Variants in LARGE1 observed in about 807,000 individuals in gnomAD.
LARGE1 encodes xylosyl- and glucuronyltransferase LARGE1.
Under a neutral mutation model 87.6 loss-of-function variants are expected in LARGE1, and 43 were observed. The observed-to-expected ratio is 0.49, with a 90% CI of 0.38 to 0.63. The LOEUF (loss-of-function observed/expected upper bound fraction) is 0.63, where lower values mean the gene tolerates loss of function less well. LARGE1 is among the 30% of genes least tolerant of loss of function. The pLI, the probability that LARGE1 is intolerant of heterozygous loss-of-function variation, is 0.00. For missense variants in LARGE1, 802 were observed against 1,000.2 expected, an observed-to-expected ratio of 0.80 and a Z score of 2.67; for synonymous variants, 434 against 394.6, an observed-to-expected ratio of 1.10 and a Z score of -1.18.
At chr22:33,182,603 C>T (rs1481777997) in intron 11 of LARGE1, among the ~76,000 whole-genome samples, 1 of 152,186 alleles carries the variant, frequency 6.6e-6, no homozygotes, top group Non-Finnish European at 1.5e-5. Context: ...GTAATCAAAA[C>T]AGTGTGGTAC....
the LARGE1 span, among the ~76,000 whole-genome samples, chr22:33,135,655 C>T: frequency 1.3e-5 from 2 of 152,100 alleles, no homozygotes; most frequent in Non-Finnish European, 2.9e-5. Context: ...GCCTGGCCAA[C>T]ATGGCAAAAC....
intron 10 of LARGE1, among the ~76,000 whole-genome samples, chr22:33,330,700 T>C (rs1368873288): frequency 1.3e-5 from 2 of 152,218 alleles, no homozygotes; most frequent in East Asian, 1.9e-4. Flanking sequence ...TTAGCTACTG[T>C]CATTCCATAG....
intron 5 of LARGE1, among the ~76,000 whole-genome samples, chr22:33,583,374 G>A (rs1282823103): frequency 6.6e-6 from 1 of 152,152 alleles, no homozygotes; most frequent in Non-Finnish European, 1.5e-5. Flanking sequence ...ATTAAGTCTG[G>A]AGAAAATAAA....
intron 1 of LARGE1, among the ~76,000 whole-genome samples, chr22:33,796,787 T>TC (rs1347791758): frequency 1.3e-5 from 2 of 149,774 alleles, no homozygotes; most frequent in African/African-American, 4.9e-5. Context: ...TTTTTTTTTT[T>TC]TTCCCCTGAG....
chr22:33,114,887 T>C, the LARGE1 span, among the ~76,000 whole-genome samples: 1,048 of 152,362 alleles, frequency 6.9e-3, 13 homozygotes, highest in African/African-American at 0.023. Flanking sequence ...AGATGTTCTA[T>C]GCAATGGCCA....
At chr22:33,235,644 C>T (rs185988897) in intron 11 of LARGE1, among the ~76,000 whole-genome samples, 4 of 152,174 alleles carry the variant, frequency 2.6e-5, no homozygotes, top group Admixed American at 6.5e-5. Context: ...CCTTCCCCTA[C>T]GTGTAGCCTC....
chr22:33,335,677 T>A (rs1280374694), intron 10 of LARGE1, among the ~76,000 whole-genome samples: 1 of 152,212 alleles, frequency 6.6e-6, no homozygotes, highest in African/African-American at 2.4e-5. Context: ...CACTAGCTCC[T>A]AGGCACACTG....
intron 1 of LARGE1, among the ~76,000 whole-genome samples, chr22:33,888,338 T>G (rs5754748): frequency 6.6e-6 from 1 of 151,934 alleles, no homozygotes; most frequent in Non-Finnish European, 1.5e-5. Flanking sequence ...AGAAACAAAC[T>G]CCTTCCTCCC....
At chr22:33,275,765 AAAAC>A (rs1367568658) in intron 14 of LARGE1, among the ~76,000 whole-genome samples, 4 of 152,136 alleles carry the variant, frequency 2.6e-5, no homozygotes, top group South Asian at 2.1e-4. Flanking sequence ...AAAACTGTCC[AAAAC>A]AAACAAAGCC....
At chr22:33,382,191 C>T in intron 8 of LARGE1, 147 bp from the exon 9 acceptor site, 2 of 982,050 alleles carry the variant, frequency 2.0e-6, no homozygotes, top group Non-Finnish European at 3.0e-6. Context: ...TGAGGCATCT[C>T]TCTTGCCTGT....
intron 11 of LARGE1, among the ~76,000 whole-genome samples, chr22:33,200,379 T>C (rs1260814345): frequency 1.3e-5 from 2 of 152,186 alleles, no homozygotes; most frequent in East Asian, 1.9e-4. Context: ...AAAACCCTCG[T>C]ACGTCGCTGG....
At position 33,522,049 on chromosome 22, in the gene LARGE1, G is replaced by A. The variant is rs551809725; in HGVS notation, c.787+42799C>T. 6.6e-5 allele frequency among the ~76,000 whole-genome samples: 10 copies of A among 152,260 alleles called. No individual in the cohort carries two copies. The South Asian group carries it at 2.1e-3, about 32-fold the overall frequency. On this transcript the variant is annotated intron_variant, in intron 6 of 14. Transcript: ENST00000397394. Reference sequence around the variant, plus strand: ...CTCTCATGTGAACTCGGAGCAAGAAGTCACTCATTACCACGGGGATGGCAC... The same window carrying A: ...CTCTCATGTGAACTCGGAGCAAGAAATCACTCATTACCACGGGGATGGCAC...
chr22:33,473,169 T>TC (rs1491459912), intron 6 of LARGE1, among the ~76,000 whole-genome samples: 6 of 144,218 alleles, frequency 4.2e-5, no homozygotes, highest in Admixed American at 2.1e-4. Context: ...CATATCTCTC[T>TC]TTTTTTTTTT....
chr22:33,252,280 TA>T (rs1478067808), intron 11 of LARGE1, among the ~76,000 whole-genome samples: 1 of 132,220 alleles, frequency 7.6e-6, no homozygotes, highest in Admixed American at 8.0e-5. Context: ...TTAAACTCAT[TA>T]ATATATATCT....
At chr22:33,393,686 C>T (rs890751233) in intron 7 of LARGE1, among the ~76,000 whole-genome samples, 1 of 152,228 alleles carries the variant, frequency 6.6e-6, no homozygotes, top group African/African-American at 2.4e-5. Flanking sequence ...CCATTCCCAT[C>T]CTTGTCGTCG....
At chr22:33,816,301 T>C (rs1428846168) in intron 1 of LARGE1, among the ~76,000 whole-genome samples, 1 of 152,206 alleles carries the variant, frequency 6.6e-6, no homozygotes, top group African/African-American at 2.4e-5. Context: ...TAAAACAAAA[T>C]GCCACCGACT....
intron 6 of LARGE1, among the ~76,000 whole-genome samples, chr22:33,524,030 C>G (rs5749622): frequency 5.0e-4 from 76 of 151,894 alleles, no homozygotes; most frequent in African/African-American, 1.5e-3. Flanking sequence ...TGGTGGTTCA[C>G]GACTGTAATC....
intron 7 of LARGE1, among the ~76,000 whole-genome samples, chr22:33,401,597 T>G (rs1388480474): frequency 6.6e-6 from 1 of 152,184 alleles, no homozygotes; most frequent in East Asian, 1.9e-4. Flanking sequence ...TCACCCTCCA[T>G]GAAGAGGCTC....
chr22:33,369,848 C>T (rs1232611574), intron 9 of LARGE1, among the ~76,000 whole-genome samples: 4 of 151,822 alleles, frequency 2.6e-5, no homozygotes, highest in Non-Finnish European at 5.9e-5. Flanking sequence ...GGATTACAGG[C>T]GTGAGCCACT....
Sources: allele counts gnomAD v4.1 joint callset (sites outside exome capture counted in the v4.1 genomes callset), GRCh38; gene constraint gnomAD v4.1.1; transcripts MANE v1.5; gene names NCBI Gene and HGNC (gene_info 2026-07-23, HGNC 2026-07-21).